SV2B: variants seen among roughly 807,000 people sequenced by gnomAD.
SV2B encodes the protein synaptic vesicle glycoprotein 2B.
Under a neutral mutation model 73.9 loss-of-function variants are expected in SV2B, and 41 were observed. The observed-to-expected ratio is 0.56, with a 90% CI of 0.43 to 0.72. The LOEUF is 0.72. Ranked by LOEUF, SV2B falls within the 30% of genes least tolerant of loss-of-function variation. SV2B has a pLI of 0.00. For missense variants in SV2B, 764 were observed against 857.8 expected, an observed-to-expected ratio of 0.89 and a Z score of 1.37; for synonymous variants, 314 against 314.2, an observed-to-expected ratio of 1.00 and a Z score of 0.01.
chr15:91,277,108 A>T (rs1188415972), intron 9 of SV2B, among the ~76,000 whole-genome samples: 2 of 152,022 alleles, frequency 1.3e-5, no homozygotes, highest in Admixed American at 1.3e-4. Context: ...TTAAGTGATT[A>T]TGTCTTGATA....
In SV2B at chr15:91,296,056, T is replaced by A. The variant is rs1033435422; in HGVS notation, c.*3504T>A. The A allele has an allele frequency of 3.3e-5, 5 of 152,166 alleles. No homozygotes were observed. The highest frequency in any genetic ancestry group is 1.2e-4 in the African/African-American group (5 of 41,424). 9.4% of individuals were successfully genotyped at this position (152,166 alleles called of 1,614,324 possible). A position where few individuals can be genotyped will look rare whatever the true frequency, so the allele number is the denominator to read the frequency against. On this transcript the variant is annotated 3_prime_UTR_variant, in exon 13 of 13. Transcript: ENST00000394232. The stretch of plus-strand genomic sequence containing the variant: ...CTTATTTTTTTTTCTTTGAGGAGTG[T>A]ACCAATTTTTTATCTTTATAAACCA...
In SV2B at chr15:91,136,931, G is replaced by A. The variant is rs1288263680; in HGVS notation, c.-392+36568G>A. Among the ~76,000 whole-genome samples the A allele has an allele frequency of 6.6e-6, 1 of 152,184 alleles. No homozygotes were observed. The highest frequency in any genetic ancestry group is 1.5e-5 in the Non-Finnish European group (1 of 68,030). The stretch of plus-strand genomic sequence containing the variant: ...GTCAATGGCAACTTACCTTGACCGG[G>A]ATTTTGGCAGATGAAGGAAAAACTA... On this transcript the variant is annotated intron_variant, in intron 1 of 12. Transcript: ENST00000394232. This position sits in a 1 kb window ranked among gnomAD's most constrained non-coding sequence, Gnocchi z 5.6.
At chr15:91,287,089 G>C (rs2048885180) in intron 11 of SV2B, among the ~76,000 whole-genome samples, 1 of 152,164 alleles carries the variant, frequency 6.6e-6, no homozygotes, top group Non-Finnish European at 1.5e-5. Flanking sequence ...AGTTTCCCCT[G>C]TTCTAGTTCT....
chr15:91,209,121 T>G (rs1384845467), intron 1 of SV2B, among the ~76,000 whole-genome samples: 79 of 140,608 alleles, frequency 5.6e-4, no homozygotes, highest in South Asian at 9.3e-4. Context: ...TTTGTTTTTT[T>G]TTTTTTTTTT....
chr15:91,205,657 C>T (rs559932802), intron 1 of SV2B, among the ~76,000 whole-genome samples: 5 of 152,128 alleles, frequency 3.3e-5, no homozygotes, highest in African/African-American at 4.8e-5. Context: ...TGAGCCACCA[C>T]GCCCTGCCCA....
At chr15:91,155,796 T>C (rs2043470023) in intron 1 of SV2B, among the ~76,000 whole-genome samples, 1 of 152,136 alleles carries the variant, frequency 6.6e-6, no homozygotes, top group East Asian at 1.9e-4. Flanking sequence ...AAGGATCAGA[T>C]CTCAGGTTTT....
At chr15:91,254,928 T>G (rs1391317672) in intron 4 of SV2B, among the ~76,000 whole-genome samples, 1 of 152,172 alleles carries the variant, frequency 6.6e-6, no homozygotes, top group East Asian at 1.9e-4. Flanking sequence ...TTGATTTCCC[T>G]CTGATTGGAT....
intron 1 of SV2B, among the ~76,000 whole-genome samples, chr15:91,150,189 A>T (rs773334656): frequency 6.6e-6 from 1 of 151,624 alleles, no homozygotes; most frequent in Non-Finnish European, 1.5e-5. Flanking sequence ...TTTTTTTTAG[A>T]AGAGATGGTG....
chr15:91,193,413 A>C (rs2045118977), intron 1 of SV2B, among the ~76,000 whole-genome samples: 1 of 152,204 alleles, frequency 6.6e-6, no homozygotes, highest in African/African-American at 2.4e-5. Context: ...ATATTTAAAA[A>C]AAAACAAAAA....
intron 1 of SV2B, among the ~76,000 whole-genome samples, chr15:91,111,320 C>A (rs1292191462): frequency 6.6e-6 from 1 of 152,230 alleles, no homozygotes; most frequent in African/African-American, 2.4e-5. Context: ...TTCCTGGATT[C>A]TTGAGCAAAC....
intron 4 of SV2B, among the ~76,000 whole-genome samples, chr15:91,255,093 G>T (rs913532828): frequency 6.6e-6 from 1 of 152,198 alleles, no homozygotes; most frequent in Non-Finnish European, 1.5e-5. Flanking sequence ...TGAAGAAAAG[G>T]CAGGAGGATG....
At position 91,229,352 on chromosome 15, in the gene SV2B, G is replaced by A. The variant is rs2046485417; in HGVS notation, c.451+2638G>A. ...AATAAGAGCAGTAATGCAGTGCTGT[G>A]AGGACTAAATGAGATAATGCAGGTG... is the stretch of plus-strand genomic sequence containing the variant. On this transcript the variant is annotated intron_variant, in intron 2 of 12. Transcript: ENST00000394232. This position sits in a 1 kb window ranked among gnomAD's most constrained non-coding sequence, Gnocchi z 4.3. Among the ~76,000 whole-genome samples the A allele has an allele frequency of 6.6e-6, 1 of 152,158 alleles. No homozygotes were observed. Among genetic ancestry groups the A allele is most frequent in the African/African-American group, 2.4e-5 (1 of 41,430 alleles).
At chr15:91,194,076 G>C (rs937730351) in intron 1 of SV2B, among the ~76,000 whole-genome samples, 4 of 152,064 alleles carry the variant, frequency 2.6e-5, no homozygotes, top group Admixed American at 1.3e-4. Flanking sequence ...GGTCAGGGAG[G>C]AGGGAATTGA....
intron 9 of SV2B, among the ~76,000 whole-genome samples, chr15:91,276,466 TCCC>T (rs2048492126): frequency 6.6e-6 from 1 of 152,118 alleles, no homozygotes; most frequent in Non-Finnish European, 1.5e-5. Flanking sequence ...TTTGATATTT[TCCC>T]ATAGCTCTTA....
chr15:91,183,799 A>G (rs1250405469), intron 1 of SV2B, among the ~76,000 whole-genome samples: 4 of 152,248 alleles, frequency 2.6e-5, no homozygotes, highest in African/African-American at 9.6e-5. Context: ...ACTTGTGATT[A>G]GCAGGAAAAC....
intron 1 of SV2B, among the ~76,000 whole-genome samples, chr15:91,167,198 G>GT (rs1330335706): frequency 6.6e-6 from 1 of 152,096 alleles, no homozygotes; most frequent in African/African-American, 2.4e-5. Context: ...GGTTACAGTA[G>GT]TTTTTTTAAG....
Position 91,260,412 on chromosome 15 carries a change from G to A in SV2B, c.1008+3G>A, listed in dbSNP as rs2047867699. On this transcript the variant is annotated splice_donor_region_variant and intron_variant, in intron 6 of 12. Coordinates refer to ENST00000394232, the MANE Select transcript of SV2B (RefSeq NM_001323032.3). ...GGACCCCAGAGAAAGTGTTCACGGTGAGTGTGGGGTTGCCTGCCAATAAGA... is the reference window on the plus strand; with the variant it reads ...GGACCCCAGAGAAAGTGTTCACGGTAAGTGTGGGGTTGCCTGCCAATAAGA... 5 of 1,611,308 alleles carry A rather than the reference G, an allele frequency of 3.1e-6. No homozygotes were observed. In the African/African-American group the frequency reaches 5.3e-5, roughly 17 times the overall value.
intron 1 of SV2B, among the ~76,000 whole-genome samples, chr15:91,193,719 A>G (rs1461613125): frequency 6.6e-6 from 1 of 152,252 alleles, no homozygotes; most frequent in Admixed American, 6.5e-5. Flanking sequence ...GTCCATTTAT[A>G]TTAACATGAG....
Position 91,197,633 on chromosome 15 carries a change from A to G in SV2B, c.-391-28240A>G, listed in dbSNP as rs952353844. On this transcript the variant is annotated intron_variant, in intron 1 of 12. Coordinates refer to ENST00000394232, the MANE Select transcript of SV2B (RefSeq NM_001323032.3). This position sits in a 1 kb window ranked among gnomAD's most constrained non-coding sequence, Gnocchi z 4.9. ...AGTAAGGAGAGTTATCCCTAGGAAT[A>G]CTATATAGCAGTTCAGCTACATTAA... Among the ~76,000 whole-genome samples the G allele has an allele frequency of 2.0e-5, 3 of 152,252 alleles. No individual in the cohort carries two copies. Among genetic ancestry groups the G allele is most frequent in the Non-Finnish European group, 4.4e-5 (3 of 68,042 alleles).
Sources: gnomAD v4.1 joint callset for allele counts (sites outside exome capture counted in the v4.1 genomes callset) on GRCh38, gnomAD v4.1.1 for gene constraint, Gnocchi (gnomAD v3.1) non-coding constraint, MANE v1.5 for transcripts, NCBI Gene and HGNC (gene_info 2026-07-23, HGNC 2026-07-21) for gene names.